NLGN4X: variants seen among roughly 807,000 people sequenced by gnomAD.
The protein encoded by NLGN4X is neuroligin-4, X-linked.
In NLGN4X, 3 loss-of-function variants were observed where a neutral mutation model predicts 40.3. The observed-to-expected ratio is 0.07, with a 90% CI of 0.03 to 0.19. The LOEUF (loss-of-function observed/expected upper bound fraction) is 0.19. NLGN4X is among the 10% of genes least tolerant of loss of function. The pLI is 1.00. For synonymous variants in NLGN4X, 270 were observed against 306.8 expected, an observed-to-expected ratio of 0.88 and a Z score of 1.25; for missense variants, 382 against 708.3, an observed-to-expected ratio of 0.54 and a Z score of 5.23.
At chrX:6,044,429 T>A in intron 2 of NLGN4X, among the ~76,000 whole-genome samples, 1 of 112,111 alleles carries the variant, frequency 8.9e-6, no homozygotes, top group Middle Eastern at 4.6e-3. Context: ...AATATCAGTC[T>A]ACCTAAGTAA....
intron 1 of NLGN4X, among the ~76,000 whole-genome samples, chrX:6,197,520 G>C (rs1923223426): frequency 9.3e-6 from 1 of 108,010 alleles, no homozygotes; most frequent in Admixed American, 9.9e-5. Flanking sequence ...GTTGGTGCCT[G>C]CTGGGCCTCC....
At chrX:6,153,176 A>C (rs1009028992) in intron 1 of NLGN4X, among the ~76,000 whole-genome samples, 48 of 112,172 alleles carry the variant, frequency 4.3e-4, no homozygotes, top group African/African-American at 1.5e-3. Context: ...ATTTCATTTA[A>C]GTAATCAGTT....
chrX:5,944,729 AAAG>A (rs1420568210), intron 3 of NLGN4X, among the ~76,000 whole-genome samples: 2 of 110,692 alleles, frequency 1.8e-5, no homozygotes, highest in Non-Finnish European at 3.8e-5. Flanking sequence ...CTCTGGTCTG[AAAG>A]AAGAAATCAG....
chrX:5,965,622 T>C (rs2034808626), intron 3 of NLGN4X, among the ~76,000 whole-genome samples: 1 of 111,726 alleles, frequency 9.0e-6, no homozygotes, highest in Admixed American at 9.6e-5. Flanking sequence ...GTGCAGGTTC[T>C]GAAACCAGAG....
At chrX:6,222,850 C>T (rs1925831887) in intron 1 of NLGN4X, among the ~76,000 whole-genome samples, 1 of 111,866 alleles carries the variant, frequency 8.9e-6, no homozygotes, top group African/African-American at 3.3e-5. Context: ...AGGGGTTTCC[C>T]CCTTCACTCG....
At chrX:6,119,263 T>C (rs892126821) in intron 2 of NLGN4X, among the ~76,000 whole-genome samples, 2 of 111,940 alleles carry the variant, frequency 1.8e-5, no homozygotes, top group African/African-American at 6.5e-5. Context: ...AGTTCACAGA[T>C]ATGAGCTTGG....
Position 6,069,385 on chromosome X carries a change from C to T in NLGN4X, c.473-39953G>A, listed in dbSNP as rs150486077. Reference sequence around the variant, plus strand: ...CCAAAAGCAAGTGCACAATCAATTGCTGTTACAAAGGAAGGTATAAAAGCA... The same window carrying T: ...CCAAAAGCAAGTGCACAATCAATTGTTGTTACAAAGGAAGGTATAAAAGCA... On this transcript the variant is annotated intron_variant, in intron 2 of 5. Coordinates refer to ENST00000381095, the MANE Select transcript of NLGN4X (RefSeq NM_181332.3). Among the ~76,000 whole-genome samples, 572 of 112,007 alleles carry T rather than the reference C, an allele frequency of 5.1e-3. 5 individuals carry two copies. Among genetic ancestry groups the T allele is most frequent in the African/African-American group, 0.018 (551 of 30,898 alleles).
chrX:6,066,286 C>A (rs1015657599), intron 2 of NLGN4X, among the ~76,000 whole-genome samples: 1 of 112,016 alleles, frequency 8.9e-6, no homozygotes, highest in South Asian at 3.7e-4. Flanking sequence ...CTCAATCTTC[C>A]ATGTTAGCAT....
chrX:5,975,764 TA>T (rs1256536305), intron 3 of NLGN4X, among the ~76,000 whole-genome samples: 1 of 110,623 alleles, frequency 9.0e-6, no homozygotes, highest in Non-Finnish European at 1.9e-5. Context: ...ATTAGAAAAT[TA>T]AAAAAATAAA....
chrX:5,996,048 ATACC>A (rs35244442), intron 3 of NLGN4X, among the ~76,000 whole-genome samples: 34,233 of 110,947 alleles, frequency 0.31, 4,510 homozygotes, highest in Middle Eastern at 0.58. Context: ...ACATGAACAG[ATACC>A]TAAAAGTATC....
In NLGN4X at chrX:5,892,823, T is replaced by C. The variant is rs1424632566; in HGVS notation, c.2445A>G (p.Arg815=). The C allele has an allele frequency of 1.7e-6, 2 of 1,211,462 alleles. No individual in the cohort carries two copies. Among genetic ancestry groups the C allele is most frequent in the South Asian group, 3.5e-5 (2 of 56,926 alleles). ...GAAGGGAAATAGGGCAAAGCTATAC[T>C]CTAGTGGTGGAATGTCCGTGGGGTA... ...TNLPHGHSTT[R]V The change falls in exon 6 of 6, where the codon AGA becomes AGG. Residue 815 remains arginine, a synonymous_variant. Coordinates refer to ENST00000381095, the MANE Select transcript of NLGN4X (RefSeq NM_181332.3).
chrX:5,944,650 C>CAA lies in NLGN4X; in HGVS notation c.626-35413_626-35412dup, dbSNP rs750871231. 4.0e-3 allele frequency among the ~76,000 whole-genome samples: 101 copies of CAA among 25,020 alleles called. 2 individuals carry two copies. Among genetic ancestry groups the CAA allele is most frequent in the Middle Eastern group, 0.019 (1 of 53 alleles). 21.7% of individuals were successfully genotyped at this position (25,020 alleles called of 115,157 possible). On this transcript the variant is annotated intron_variant, in intron 3 of 5. Transcript: ENST00000381095. ...GCAAAAGAACCAGAAGACTCTGTCT[C>CAA]AAAAAAAAAAAAAAAAAAAAAAAGA...
chrX:5,934,968 T>C (rs564811808), intron 3 of NLGN4X, among the ~76,000 whole-genome samples: 4 of 111,999 alleles, frequency 3.6e-5, no homozygotes, highest in African/African-American at 9.7e-5. Flanking sequence ...AATGAATAAT[T>C]TGTGTTTTTA....
chrX:6,144,886 C>T (rs926938369), intron 2 of NLGN4X, among the ~76,000 whole-genome samples: 1 of 110,997 alleles, frequency 9.0e-6, no homozygotes, highest in Non-Finnish European at 1.9e-5. Context: ...CCAACCTATT[C>T]CCAGGTTCCA....
intron 1 of NLGN4X, among the ~76,000 whole-genome samples, chrX:6,167,610 C>T (rs1029946263): frequency 2.7e-5 from 3 of 111,732 alleles, no homozygotes; most frequent in African/African-American, 9.8e-5. Flanking sequence ...TGTCATGCAC[C>T]GGGAAGGAGT....
chrX:6,138,546 T>C (rs1309607276), intron 2 of NLGN4X, among the ~76,000 whole-genome samples: 2 of 112,035 alleles, frequency 1.8e-5, no homozygotes, highest in Non-Finnish European at 3.8e-5. Context: ...TACAGGTTTA[T>C]TCATTTGTTC....
chrX:5,916,143 A>G (rs1257054299), intron 3 of NLGN4X, among the ~76,000 whole-genome samples: 1 of 111,022 alleles, frequency 9.0e-6, no homozygotes, highest in Admixed American at 9.6e-5. Context: ...GAAACTTCTG[A>G]CCCAGGAGTC....
At chrX:6,012,940 C>G (rs1033868879) in intron 3 of NLGN4X, among the ~76,000 whole-genome samples, 2 of 111,578 alleles carry the variant, frequency 1.8e-5, no homozygotes, top group Non-Finnish European at 3.8e-5. Context: ...GTTATGGCCG[C>G]TCTAGAAAAC....
At chrX:6,092,590 C>A (rs1157157292) in intron 2 of NLGN4X, among the ~76,000 whole-genome samples, 1 of 112,088 alleles carries the variant, frequency 8.9e-6, no homozygotes, top group Non-Finnish European at 1.9e-5. Context: ...CCCATGAACA[C>A]TGAGGTATTA....
Sources: gnomAD v4.1 joint callset for allele counts (sites outside exome capture counted in the v4.1 genomes callset) on GRCh38, gnomAD v4.1.1 for gene constraint, MANE v1.5 for transcripts, NCBI Gene and HGNC (gene_info 2026-07-23, HGNC 2026-07-21) for gene names.